The following PCDH9 variants were observed in gnomAD, a reference collection of about 807,000 sequenced individuals.
The protein encoded by PCDH9 is protocadherin-9.
A neutral mutation model predicts 70.6 loss-of-function variants in PCDH9; 24 were observed. That is an observed-to-expected ratio of 0.34 (90% CI 0.25 to 0.48). The LOEUF is 0.48. PCDH9 is among the 20% of genes least tolerant of loss of function. PCDH9 has a pLI of 0.99. For synonymous variants in PCDH9, 562 were observed against 558.5 expected (o/e 1.01, Z -0.09); for missense variants, 1,281 against 1,503.6 (o/e 0.85, Z 2.45).
chr13:66,540,690 T>C (rs1960917065), intron 4 of PCDH9, among the ~76,000 whole-genome samples: 1 of 152,204 alleles, frequency 6.6e-6, no homozygotes, highest in South Asian at 2.1e-4. Context: ...AAGTAACTGG[T>C]TGACCCCCTT....
chr13:66,953,358 A>AGTGCC (rs1205264064), intron 2 of PCDH9, among the ~76,000 whole-genome samples: 3 of 152,164 alleles, frequency 2.0e-5, no homozygotes, highest in Non-Finnish European at 1.5e-5. Context: ...CCATATCCCC[A>AGTGCC]GTGCCTGTAG....
intron 3 of PCDH9, among the ~76,000 whole-genome samples, chr13:66,839,462 G>A (rs918132055): frequency 2.6e-5 from 4 of 152,078 alleles, no homozygotes; most frequent in Non-Finnish European, 4.4e-5. Context: ...CATACTTCAC[G>A]GAGTGTGGCA....
At chr13:66,957,561 C>T (rs1047010724) in intron 2 of PCDH9, among the ~76,000 whole-genome samples, 1 of 152,170 alleles carries the variant, frequency 6.6e-6, no homozygotes, top group Non-Finnish European at 1.5e-5. Context: ...CTCCATCCCT[C>T]CATGAGGTAT....
intron 2 of PCDH9, among the ~76,000 whole-genome samples, chr13:66,916,790 C>T (rs2082565113): frequency 6.6e-6 from 1 of 151,412 alleles, no homozygotes; most frequent in South Asian, 2.1e-4. Flanking sequence ...CCTTAGTGAG[C>T]TCTCTAAAGC....
chr13:66,494,412 G>C (rs2138541663), intron 4 of PCDH9, among the ~76,000 whole-genome samples: 1 of 152,256 alleles, frequency 6.6e-6, no homozygotes, highest in South Asian at 2.1e-4. Context: ...ACAATGAAAT[G>C]CAAATCTAAT....
Position 66,743,717 on chromosome 13 carries a change from G to T in PCDH9, c.3139-112306C>A, listed in dbSNP as rs368114167. Among the ~76,000 whole-genome samples, 9 of 152,086 alleles carry T rather than the reference G, an allele frequency of 5.9e-5. No individual in the cohort carries two copies. The East Asian group carries it at 1.2e-3, about 20-fold the overall frequency. On this transcript the variant is annotated intron_variant, in intron 3 of 4. Coordinates refer to ENST00000377865, the MANE Select transcript of PCDH9 (RefSeq NM_203487.3). ...TAGCTTGATCTAGCTATTCTGCAAA[G>T]CATACATATTCCAAAACACCATGTT...
At position 66,766,415 on chromosome 13, in the gene PCDH9, T is replaced by C. The variant is rs151078193; in HGVS notation, c.3139-135004A>G. On this transcript the variant is annotated intron_variant, in intron 3 of 4. Coordinates refer to ENST00000377865, the MANE Select transcript of PCDH9 (RefSeq NM_203487.3). ...CAATCATTCCCAAACATAGCTAAAG[T>C]ATTAGAAGAAAAAATAACATAATAC... Among the ~76,000 whole-genome samples, 3 of 152,036 alleles carry C rather than the reference T, an allele frequency of 2.0e-5. No individual in the cohort carries two copies. The East Asian group carries it at 5.8e-4, about 29-fold the overall frequency.
intron 3 of PCDH9, among the ~76,000 whole-genome samples, chr13:66,866,839 T>C (rs1203123242): frequency 6.6e-6 from 1 of 152,138 alleles, no homozygotes; most frequent in East Asian, 1.9e-4. Context: ...TGCTCACATG[T>C]ATGTGGATAC....
chr13:66,793,762 C>A (rs1358126652), intron 3 of PCDH9, among the ~76,000 whole-genome samples: 1 of 152,096 alleles, frequency 6.6e-6, no homozygotes, highest in Non-Finnish European at 1.5e-5. Flanking sequence ...ACTTTAACAT[C>A]TGTTGTGCTT....
At chr13:66,686,130 A>G (rs375932554) in intron 3 of PCDH9, among the ~76,000 whole-genome samples, 1 of 152,096 alleles carries the variant, frequency 6.6e-6, no homozygotes, top group African/African-American at 2.4e-5. Flanking sequence ...CTGTGTCCCC[A>G]CCCAAATCTC....
chr13:67,223,434 A>AT (rs2089778174), intron 2 of PCDH9: 1 of 152,152 alleles, frequency 6.6e-6, no homozygotes, highest in South Asian at 2.1e-4. Flanking sequence ...AAAATGTCAG[A>AT]TTTTACATGA....
At chr13:66,913,438 AC>A (rs1350205718) in intron 2 of PCDH9, among the ~76,000 whole-genome samples, 1 of 151,948 alleles carries the variant, frequency 6.6e-6, no homozygotes. Flanking sequence ...AAAATGTCTC[AC>A]TTTTTAATTA....
intron 2 of PCDH9, among the ~76,000 whole-genome samples, chr13:67,183,652 C>A (rs932696365): frequency 6.6e-6 from 1 of 151,816 alleles, no homozygotes; most frequent in Non-Finnish European, 1.5e-5. Flanking sequence ...GGTAAAGGAC[C>A]AATGGTGTTT....
At chr13:67,211,620 G>A (rs1479339541) in intron 2 of PCDH9, 1 of 151,880 alleles carries the variant, frequency 6.6e-6, no homozygotes, top group African/African-American at 2.4e-5. Context: ...CATTTTCTTC[G>A]ATGATGAAAG....
At chr13:67,068,948 T>C (rs1292456255) in intron 2 of PCDH9, among the ~76,000 whole-genome samples, 3 of 151,928 alleles carry the variant, frequency 2.0e-5, no homozygotes, top group African/African-American at 7.2e-5. Context: ...AATTAAAAAT[T>C]GTCATCCTAT....
intron 3 of PCDH9, among the ~76,000 whole-genome samples, chr13:66,634,742 G>A (rs1297374084): frequency 6.6e-6 from 1 of 152,004 alleles, no homozygotes; most frequent in Non-Finnish European, 1.5e-5. Flanking sequence ...TAAAGCTTAT[G>A]GTCTATCAAT....
At chr13:66,442,259 C>A (rs1179706281) in intron 4 of PCDH9, among the ~76,000 whole-genome samples, 1 of 152,048 alleles carries the variant, frequency 6.6e-6, no homozygotes, top group African/African-American at 2.4e-5. Context: ...CTATAGAAGT[C>A]CCTGGAGAAC....
chr13:66,859,234 C>G (rs1285508557), intron 3 of PCDH9: 1 of 152,136 alleles, frequency 6.6e-6, no homozygotes, highest in Non-Finnish European at 1.5e-5. Context: ...TTAGACCTTT[C>G]TATTTGCGGG....
chr13:66,849,511 T>G (rs71449283), intron 3 of PCDH9, among the ~76,000 whole-genome samples: 34,345 of 80,202 alleles, frequency 0.43, 7,281 homozygotes, highest in Non-Finnish European at 0.5. Flanking sequence ...TATATATATA[T>G]ATATATAGAG....
Sources: gnomAD v4.1 joint callset for allele counts (sites outside exome capture counted in the v4.1 genomes callset) on GRCh38, gnomAD v4.1.1 for gene constraint, MANE v1.5 for transcripts, NCBI Gene and HGNC (gene_info 2026-07-23, HGNC 2026-07-21) for gene names.